The following DCUN1D4 variants were observed in gnomAD, a reference collection of about 807,000 sequenced individuals.
The protein encoded by DCUN1D4 is DCN1-like protein 4.
DCUN1D4 carries 22 observed loss-of-function variants against 47.9 expected under a neutral mutation model. The observed-to-expected ratio is 0.46, with a 90% CI of 0.33 to 0.66. The LOEUF is 0.66. DCUN1D4 is among the 30% of genes least tolerant of loss of function. DCUN1D4 has a pLI of 0.02. For synonymous variants in DCUN1D4, 121 were observed against 112.2 expected, an observed-to-expected ratio of 1.08 and a Z score of -0.50; for missense variants, 301 against 340.8, an observed-to-expected ratio of 0.88 and a Z score of 0.92.
intron 8 of DCUN1D4, among the ~76,000 whole-genome samples, chr4:51,901,947 CTT>C (rs1311918110): frequency 6.6e-6 from 1 of 151,786 alleles, no homozygotes. Flanking sequence ...TTCTTTTTTG[CTT>C]TGTTTTGTTG....
Position 51,900,116 on chromosome 4 carries a change from TTTGA to T in DCUN1D4, c.615+742_615+745del, listed in dbSNP as rs776607523. ...GGATTCAGGTGACTAGGCTTTCTTG[TTTGA>T]TTGCACTTTTTTAAATTATTTTTTT... is the stretch of plus-strand genomic sequence containing the variant. On this transcript the variant is annotated intron_variant, in intron 8 of 10. Transcript: ENST00000334635. Among the ~76,000 whole-genome samples, 106 of 152,356 alleles carry T rather than the reference TTTGA, an allele frequency of 7.0e-4. 1 individual carries two copies. The highest frequency in any genetic ancestry group is 1.1e-3 in the Non-Finnish European group (76 of 68,034).
intron 7 of DCUN1D4, among the ~76,000 whole-genome samples, chr4:51,894,154 C>T (rs1036917115): frequency 5.9e-5 from 9 of 152,056 alleles, no homozygotes; most frequent in Non-Finnish European, 1.3e-4. Flanking sequence ...AGTGACAAGC[C>T]TGATCCACTG....
chr4:51,874,029 A>G (rs1466455045), intron 3 of DCUN1D4, among the ~76,000 whole-genome samples: 1 of 152,214 alleles, frequency 6.6e-6, no homozygotes, highest in Non-Finnish European at 1.5e-5. Flanking sequence ...AAATTATAAT[A>G]ACTTCTATTT....
In DCUN1D4 at chr4:51,844,414, G is replaced by C. The variant is rs987503988; in HGVS notation, c.25+1147G>C. The stretch of plus-strand genomic sequence containing the variant: ...CGGGAAGCGAGGTCAGCGCTGGCGC[G>C]GGCTCCGGCAGCGGGACTAGGAGGC... On this transcript the variant is annotated intron_variant, in intron 1 of 10. Coordinates refer to ENST00000334635, the MANE Select transcript of DCUN1D4 (RefSeq NM_001040402.3). The C allele has an allele frequency of 3.0e-6, 3 of 984,396 alleles. No individual in the cohort carries two copies. The African/African-American group carries it at 5.3e-5, about 17-fold the overall frequency. The allele number at this position is 984,396 out of a possible 1,614,324, so 61.0% of individuals were successfully genotyped here.
intron 8 of DCUN1D4, chr4:51,905,440 TACA>T (rs1732741604): frequency 6.1e-6 from 1 of 162,914 alleles, no homozygotes; most frequent in Non-Finnish European, 1.4e-5. Flanking sequence ...AGTTCTCTTC[TACA>T]GTTGGAATTT....
chr4:51,878,453 A>C (rs905348233), intron 5 of DCUN1D4, among the ~76,000 whole-genome samples: 2 of 152,088 alleles, frequency 1.3e-5, no homozygotes, highest in Non-Finnish European at 2.9e-5. Flanking sequence ...CTTCTTTCTC[A>C]CCTTATTTCA....
At chr4:51,851,230 C>T (rs1486694348) in intron 1 of DCUN1D4, among the ~76,000 whole-genome samples, 1 of 152,136 alleles carries the variant, frequency 6.6e-6, no homozygotes, top group Non-Finnish European at 1.5e-5. Context: ...ACCGGGGCTT[C>T]AGGAGCTTCC....
rs138234653 is a variant in DCUN1D4 at position 51,883,949 on chromosome 4, T to C, written c.344-2619T>C. Among the ~76,000 whole-genome samples, 42 of 150,200 alleles carry C rather than the reference T, an allele frequency of 2.8e-4. No homozygotes were observed. The East Asian group carries it at 7.5e-3, about 27-fold the overall frequency. On this transcript the variant is annotated intron_variant, in intron 5 of 10. Coordinates refer to ENST00000334635, the MANE Select transcript of DCUN1D4 (RefSeq NM_001040402.3). ...ACTAAAATAGTATTTGGTTTTCTTCTGATAATCAAGATAAGAAAACTAGGA... is the reference window on the plus strand; with the variant it reads ...ACTAAAATAGTATTTGGTTTTCTTCCGATAATCAAGATAAGAAAACTAGGA...
chr4:51,882,954 AC>A (rs1172635020), intron 5 of DCUN1D4, among the ~76,000 whole-genome samples: 1 of 152,182 alleles, frequency 6.6e-6, no homozygotes, highest in African/African-American at 2.4e-5. Context: ...CTTAAAAAAA[AC>A]ACCCTTAACA....
intron 7 of DCUN1D4, among the ~76,000 whole-genome samples, chr4:51,895,504 A>G (rs1731106329): frequency 6.7e-6 from 1 of 149,146 alleles, no homozygotes; most frequent in African/African-American, 2.5e-5. Context: ...CCTGCCAGAG[A>G]AGACACAGCT....
chr4:51,891,129 C>T (rs1168829039), intron 6 of DCUN1D4, among the ~76,000 whole-genome samples: 1 of 152,260 alleles, frequency 6.6e-6, no homozygotes, highest in Non-Finnish European at 1.5e-5. Flanking sequence ...TGTGCTACAA[C>T]TTCACTGCGT....
In DCUN1D4 at chr4:51,915,116, G is replaced by A. The variant is rs1024386197; in HGVS notation, c.*1532G>A. Reference sequence around the variant, plus strand: ...TGTGATCGTTTAAATGGCATTAAGTGAATAAAGCACACAGACAGTGCTACT... The same window carrying A: ...TGTGATCGTTTAAATGGCATTAAGTAAATAAAGCACACAGACAGTGCTACT... On this transcript the variant is annotated 3_prime_UTR_variant, in exon 11 of 11. Transcript: ENST00000334635. 1 of 152,486 alleles carries A rather than the reference G, an allele frequency of 6.6e-6. No individual in the cohort carries two copies. Among genetic ancestry groups the A allele is most frequent in the African/African-American group, 2.4e-5 (1 of 41,412 alleles). The allele number at this position is 152,486 out of a possible 1,614,324, so 9.4% of individuals were successfully genotyped here.
intron 1 of DCUN1D4, among the ~76,000 whole-genome samples, chr4:51,851,044 C>T (rs1487578839): frequency 6.6e-6 from 1 of 152,174 alleles, no homozygotes; most frequent in African/African-American, 2.4e-5. Context: ...TTGATGCTTA[C>T]AATTACTGTG....
chr4:51,847,178 C>G (rs1455037204), intron 1 of DCUN1D4, among the ~76,000 whole-genome samples: 1 of 152,164 alleles, frequency 6.6e-6, no homozygotes, highest in Non-Finnish European at 1.5e-5. Flanking sequence ...ATCCCTGAAC[C>G]AGCTACTTTG....
At chr4:51,867,451 G>T (rs973908349) in intron 3 of DCUN1D4, among the ~76,000 whole-genome samples, 1 of 152,212 alleles carries the variant, frequency 6.6e-6, no homozygotes, top group Non-Finnish European at 1.5e-5. Context: ...GAAGAATGAG[G>T]TATGCAGACA....
intron 1 of DCUN1D4, among the ~76,000 whole-genome samples, chr4:51,847,387 A>G (rs1722714756): frequency 6.6e-6 from 1 of 152,232 alleles, no homozygotes; most frequent in African/African-American, 2.4e-5. Context: ...TAGTCAAAGA[A>G]GAGAACAAAA....
chr4:51,846,544 G>A (rs1357353750), intron 1 of DCUN1D4, among the ~76,000 whole-genome samples: 5 of 152,086 alleles, frequency 3.3e-5, no homozygotes, highest in African/African-American at 4.8e-5. Context: ...TCCTGGCTAC[G>A]TTTACATTAT....
In DCUN1D4 at chr4:51,905,801, C is replaced by T. The variant is rs139728801; in HGVS notation, c.616-5269C>T. The stretch of plus-strand genomic sequence containing the variant: ...GAGGGCCAGGTGAGAGCAGAGACCA[C>T]GGATTTGCAGTGCTGTTGTTCTCCA... On this transcript the variant is annotated intron_variant, in intron 8 of 10. Transcript: ENST00000334635. 1.7e-3 allele frequency among the ~76,000 whole-genome samples: 265 copies of T among 152,204 alleles called. 10 individuals carry two copies. In the East Asian group the frequency reaches 0.048, roughly 28 times the overall value.
At chr4:51,878,808 T>G (rs933712207) in intron 5 of DCUN1D4, among the ~76,000 whole-genome samples, 3 of 152,254 alleles carry the variant, frequency 2.0e-5, no homozygotes, top group Admixed American at 6.5e-5. Flanking sequence ...GGATAGTGTT[T>G]ATAACTTGTT....
Sources: gnomAD v4.1 joint callset for allele counts (sites outside exome capture counted in the v4.1 genomes callset) on GRCh38, gnomAD v4.1.1 for gene constraint, MANE v1.5 for transcripts, NCBI Gene and HGNC (gene_info 2026-07-23, HGNC 2026-07-21) for gene names.